The following GRB10 variants were observed in gnomAD, a reference collection of about 807,000 sequenced individuals.
The protein encoded by GRB10 is growth factor receptor bound protein 10.
In GRB10, 20 loss-of-function variants were observed where a neutral mutation model predicts 80.9. That is an observed-to-expected ratio of 0.25 (90% confidence interval 0.17 to 0.36). The LOEUF is 0.36. Among genes scored for constraint, GRB10 ranks in the 10% least tolerant of loss-of-function variants. The pLI is 1.00. For missense variants in GRB10, 548 were observed against 747.7 expected (o/e 0.73, Z 3.12); for synonymous variants, 291 against 291.5 (o/e 1.00, Z 0.02).
At chr7:50,681,216 C>T (rs995112889) in intron 5 of GRB10, among the ~76,000 whole-genome samples, 1 of 152,240 alleles carries the variant, frequency 6.6e-6, no homozygotes, top group Non-Finnish European at 1.5e-5. Flanking sequence ...GCAGGCACAG[C>T]TCATGAGCTG....
At position 50,748,777 on chromosome 7, in the gene GRB10, C is replaced by A. The variant is rs190406947; in HGVS notation, c.-47+7110G>T. ...CAGTTGGGGTAAAGGGCAATGATAT[C>A]CATCTTGACCACAAAGACTCTGAAG... On this transcript the variant is annotated intron_variant, in intron 3 of 18. Transcript: ENST00000401949. 2.9e-4 allele frequency among the ~76,000 whole-genome samples: 44 copies of A among 152,296 alleles called. 1 individual carries two copies. The East Asian group carries it at 8.1e-3, about 28-fold the overall frequency.
chr7:50,776,850 A>G (rs1271995274), intron 2 of GRB10, among the ~76,000 whole-genome samples: 1 of 152,234 alleles, frequency 6.6e-6, no homozygotes, highest in Non-Finnish European at 1.5e-5. Flanking sequence ...AGAAGTTTCT[A>G]AGAAGACACT....
rs1374777888 is a variant in GRB10, at chr7:50,765,427, CAATG to C, written c.-216-9375_-216-9372del. Among the ~76,000 whole-genome samples, 4 of 152,284 alleles carry C rather than the reference CAATG, an allele frequency of 2.6e-5. No individual in the cohort carries two copies. The East Asian group carries it at 7.7e-4, about 29-fold the overall frequency. On this transcript the variant is annotated intron_variant, in intron 2 of 18. Transcript: ENST00000401949. ...TGGAATCGATCTAAGTGTCCAACAACAATGAACTCATTTAAAAAAGGTGGTACAT... is the reference window on the plus strand; with the variant it reads ...TGGAATCGATCTAAGTGTCCAACAACAACTCATTTAAAAAAGGTGGTACAT...
chr7:50,678,853 C>A (rs2061247366), intron 5 of GRB10, among the ~76,000 whole-genome samples: 1 of 152,188 alleles, frequency 6.6e-6, no homozygotes, highest in Admixed American at 6.5e-5. Flanking sequence ...AATAATCACC[C>A]ATTTGTGAAA....
rs2065765864 is a variant in GRB10 at position 50,710,749 on chromosome 7, C to T, written c.52-6841G>A. The T allele has an allele frequency of 2.9e-6, 3 of 1,041,790 alleles. No individual in the cohort carries two copies. In the Admixed American group the frequency reaches 5.2e-5, roughly 18 times the overall value. The allele number at this position is 1,041,790 out of a possible 1,614,324, so 64.5% of individuals were successfully genotyped here. A position where few individuals can be genotyped will look rare whatever the true frequency, so the allele number is the denominator to read the frequency against. ...AACTGCCTCACCTTCGGGGTATCTC[C>T]ACACCTTCCTGAGGCAGAACGACCA... is the stretch of plus-strand genomic sequence containing the variant. On this transcript the variant is annotated intron_variant, in intron 4 of 18. Transcript: ENST00000401949.
At chr7:50,609,259 T>A (rs1585616611) in intron 13 of GRB10, among the ~76,000 whole-genome samples, 1 of 152,232 alleles carries the variant, frequency 6.6e-6, no homozygotes, top group East Asian at 1.9e-4. Flanking sequence ...TAAGAGATAT[T>A]CCTTAAACAT....
chr7:50,764,635 G>A (rs898135511), intron 2 of GRB10, among the ~76,000 whole-genome samples: 2 of 152,172 alleles, frequency 1.3e-5, no homozygotes, highest in African/African-American at 4.8e-5. Flanking sequence ...CACCAGCTGG[G>A]GTGGGGGCAG....
chr7:50,660,758 T>C (rs1190682997), intron 7 of GRB10, among the ~76,000 whole-genome samples: 2 of 151,766 alleles, frequency 1.3e-5, no homozygotes, highest in Non-Finnish European at 1.5e-5. Context: ...GCGGGATGAG[T>C]TGAAGTGCAC....
At chr7:50,650,562 A>T (rs912262662) in intron 7 of GRB10, among the ~76,000 whole-genome samples, 5 of 152,258 alleles carry the variant, frequency 3.3e-5, no homozygotes, top group Admixed American at 3.3e-4. Context: ...CTACAGACTC[A>T]ACGTCCTAGA....
intron 8 of GRB10, 49 bp downstream of exon 8, chr7:50,626,773 T>C: frequency 6.2e-7 from 1 of 1,607,938 alleles, no homozygotes; most frequent in Non-Finnish European, 8.5e-7. Context: ...CTTCATTCAA[T>C]TGCACATAAG....
intron 5 of GRB10, among the ~76,000 whole-genome samples, chr7:50,674,973 C>T (rs1415124782): frequency 2.6e-5 from 4 of 152,270 alleles, no homozygotes; most frequent in African/African-American, 7.2e-5. Flanking sequence ...CCACCCCCTC[C>T]GGTAGGCCGC....
intron 7 of GRB10, among the ~76,000 whole-genome samples, chr7:50,663,571 T>G (rs1433883874): frequency 6.6e-6 from 1 of 152,080 alleles, no homozygotes; most frequent in Non-Finnish European, 1.5e-5. Context: ...AGCAGAATGG[T>G]CAAGCCAGCC....
chr7:50,706,834 C>G (rs1362682199), intron 4 of GRB10, among the ~76,000 whole-genome samples: 1 of 152,202 alleles, frequency 6.6e-6, no homozygotes, highest in African/African-American at 2.4e-5. Context: ...CTGAGTCAAT[C>G]TGCTCATCTG....
intron 7 of GRB10, among the ~76,000 whole-genome samples, chr7:50,642,533 C>T (rs2056449805): frequency 6.6e-6 from 1 of 152,002 alleles, no homozygotes. Flanking sequence ...TCGAGTATTG[C>T]TAATTTAAAA....
chr7:50,700,101 T>C (rs892431535), intron 5 of GRB10, among the ~76,000 whole-genome samples: 1 of 151,916 alleles, frequency 6.6e-6, no homozygotes, highest in African/African-American at 2.4e-5. Context: ...ATCTCACCAC[T>C]GCACTCCAGC....
intron 3 of GRB10, among the ~76,000 whole-genome samples, chr7:50,752,553 C>T (rs1471620445): frequency 6.6e-6 from 1 of 152,152 alleles, no homozygotes; most frequent in African/African-American, 2.4e-5. Context: ...AGAAATGGTC[C>T]CTATCCTTAG....
intron 10 of GRB10, 35 bp downstream of exon 10, chr7:50,618,035 AG>A: frequency 3.9e-6 from 6 of 1,520,984 alleles, no homozygotes; most frequent in Non-Finnish European, 5.5e-6. Context: ...CTATTCAGAA[AG>A]TCTATTTCAG....
At chr7:50,766,978 C>G (rs945020577) in intron 2 of GRB10, among the ~76,000 whole-genome samples, 3 of 152,154 alleles carry the variant, frequency 2.0e-5, no homozygotes, top group Admixed American at 6.5e-5. Context: ...GGTTGGTAAA[C>G]AATGATTAAT....
chr7:50,709,434 G>A (rs1192829641), intron 4 of GRB10, among the ~76,000 whole-genome samples: 3 of 152,212 alleles, frequency 2.0e-5, no homozygotes, highest in Non-Finnish European at 4.4e-5. Context: ...CAGCTGGGCT[G>A]TTCCTTCCGT....
Sources: allele counts gnomAD v4.1 joint callset (sites outside exome capture counted in the v4.1 genomes callset), GRCh38; gene constraint gnomAD v4.1.1; transcripts MANE v1.5; gene names NCBI Gene and HGNC (gene_info 2026-07-23, HGNC 2026-07-21).